Variants in FOXP1 observed in about 807,000 individuals in gnomAD.
FOXP1 encodes forkhead box protein P1.
Under a neutral mutation model 98.2 loss-of-function variants are expected in FOXP1, and 15 were observed. The ratio of observed to expected loss-of-function variants is 0.15; its 90% confidence interval spans 0.10 to 0.24. The LOEUF (loss-of-function observed/expected upper bound fraction) is 0.24, where lower values mean the gene tolerates loss of function less well. Ranked by LOEUF, FOXP1 falls within the 10% of genes least tolerant of loss-of-function variation. FOXP1 has a pLI of 1.00. For missense variants in FOXP1, 633 were observed against 848.5 expected (o/e 0.75, Z 3.15); for synonymous variants, 371 against 314.5 (o/e 1.18, Z -1.90).
intron 7 of FOXP1, among the ~76,000 whole-genome samples, chr3:71,064,357 A>T (rs765395587): frequency 2.0e-5 from 3 of 152,172 alleles, no homozygotes; most frequent in Non-Finnish European, 2.9e-5. Context: ...AGTGACAGAA[A>T]TCACACCCCA....
At chr3:71,278,902 G>C (rs2071205692) in intron 5 of FOXP1, among the ~76,000 whole-genome samples, 1 of 151,608 alleles carries the variant, frequency 6.6e-6, no homozygotes, top group Non-Finnish European at 1.5e-5. Flanking sequence ...GATAGAAACA[G>C]GAATTGGGGC....
intron 7 of FOXP1, among the ~76,000 whole-genome samples, chr3:71,060,608 G>C (rs1170648918): frequency 1.3e-5 from 2 of 152,076 alleles, no homozygotes; most frequent in African/African-American, 4.8e-5. Flanking sequence ...TAACAGGTTA[G>C]ATGAAAAAAA....
intron 3 of FOXP1, among the ~76,000 whole-genome samples, chr3:71,405,522 C>A (rs1024132597): frequency 2.6e-5 from 4 of 152,170 alleles, no homozygotes; most frequent in African/African-American, 9.7e-5. Context: ...TCCACCCAGA[C>A]AGACAGCCAG....
At chr3:71,257,860 T>C (rs2068766151) in intron 5 of FOXP1, among the ~76,000 whole-genome samples, 1 of 152,126 alleles carries the variant, frequency 6.6e-6, no homozygotes, top group Non-Finnish European at 1.5e-5. Flanking sequence ...ACAAGACACA[T>C]CATCTTTCTG....
chr3:71,310,946 G>C (rs1470788851), intron 4 of FOXP1, among the ~76,000 whole-genome samples: 1 of 152,148 alleles, frequency 6.6e-6, no homozygotes, highest in Non-Finnish European at 1.5e-5. Flanking sequence ...GATTCTGTTT[G>C]GTTGTTCTGG....
At position 70,965,972 on chromosome 3, in the gene FOXP1, G is replaced by T. The variant is rs2034676627; in HGVS notation, c.1807C>A (p.Arg603=). 6.2e-7 allele frequency: 1 copy of T among 1,613,944 alleles called. No homozygotes were observed. The highest frequency in any genetic ancestry group is 1.3e-5 in the African/African-American group (1 of 74,886). The change falls in exon 20 of 21, where the codon CGG becomes AGG. Residue 603 remains arginine (R), a synonymous_variant. Transcript: ENST00000649528. ...PTLGNLASAI[R]EELNGAMEHT... ...TCCATTGCCCCGTTCAGCTCTTCCC[G>T]TATTGCGCTGGCTAAGTTGCCCAGA... is the stretch of plus-strand genomic sequence containing the variant.
intron 5 of FOXP1, among the ~76,000 whole-genome samples, chr3:71,285,976 G>A (rs981373483): frequency 2.0e-5 from 3 of 152,202 alleles, no homozygotes; most frequent in Non-Finnish European, 2.9e-5. Flanking sequence ...TCTGAGAAAC[G>A]TGTTGTTAGG....
At chr3:71,504,916 T>C (rs778620265) in intron 2 of FOXP1, among the ~76,000 whole-genome samples, 4 of 152,222 alleles carry the variant, frequency 2.6e-5, no homozygotes, top group African/African-American at 4.8e-5. Flanking sequence ...ACTCTGTCCA[T>C]AGCATTTTCA....
intron 7 of FOXP1, among the ~76,000 whole-genome samples, chr3:71,106,720 T>A (rs1443386212): frequency 6.6e-6 from 1 of 151,642 alleles, no homozygotes; most frequent in Non-Finnish European, 1.5e-5. Context: ...TCAGCCTTCT[T>A]AGTAGCTGAG....
At chr3:71,180,486 A>T (rs2062226018) in intron 6 of FOXP1, among the ~76,000 whole-genome samples, 3 of 152,218 alleles carry the variant, frequency 2.0e-5, no homozygotes, top group Admixed American at 1.3e-4. Flanking sequence ...AAGAAAAAAA[A>T]ATAGACATGC....
intron 5 of FOXP1, among the ~76,000 whole-genome samples, chr3:71,279,919 C>T (rs951197585): frequency 1.1e-4 from 16 of 151,814 alleles, no homozygotes; most frequent in Non-Finnish European, 1.8e-4. Context: ...GTCAGGAGAT[C>T]GAGACTATCC....
At chr3:71,112,005 G>A (rs2057972880) in intron 7 of FOXP1, among the ~76,000 whole-genome samples, 2 of 150,890 alleles carry the variant, frequency 1.3e-5, no homozygotes, top group South Asian at 4.2e-4. Flanking sequence ...ATTGCAGGAT[G>A]TTTGGCAACA....
intron 6 of FOXP1, among the ~76,000 whole-genome samples, chr3:71,188,866 T>C (rs2062807122): frequency 6.6e-6 from 1 of 152,168 alleles, no homozygotes; most frequent in African/African-American, 2.4e-5. Flanking sequence ...AAAGGAGCTG[T>C]CTAACAATAG....
intron 19 of FOXP1, chr3:70,969,837 TATCTATAGA>T (rs1481632493): frequency 1.3e-5 from 2 of 151,988 alleles, no homozygotes; most frequent in African/African-American, 4.8e-5. Flanking sequence ...ATGTCAGATT[TATCTATAGA>T]ATATGCTTCT....
intron 7 of FOXP1, among the ~76,000 whole-genome samples, chr3:71,067,921 A>T (rs554473833): frequency 1.4e-5 from 2 of 139,036 alleles, no homozygotes; most frequent in South Asian, 5.9e-4. Flanking sequence ...GTCTTAAAAA[A>T]TAAAAAATAA....
chr3:71,576,757 C>A (rs1202381017), intron 2 of FOXP1, among the ~76,000 whole-genome samples: 1 of 152,114 alleles, frequency 6.6e-6, no homozygotes, highest in Non-Finnish European at 1.5e-5. Flanking sequence ...CTAAACTGAG[C>A]CCCCCTCCCC....
intron 3 of FOXP1, among the ~76,000 whole-genome samples, chr3:71,467,067 C>T (rs556426300): frequency 3.3e-4 from 50 of 152,204 alleles, no homozygotes; most frequent in African/African-American, 1.2e-3. Flanking sequence ...GGGCTTTGGG[C>T]ACCACAGATG....
chr3:71,344,098 G>C (rs1177247185), intron 4 of FOXP1, among the ~76,000 whole-genome samples: 1 of 152,204 alleles, frequency 6.6e-6, no homozygotes, highest in Non-Finnish European at 1.5e-5. Context: ...TCAACCAGTT[G>C]TGTGAGTACA....
intron 3 of FOXP1, among the ~76,000 whole-genome samples, chr3:71,433,379 A>G (rs997304007): frequency 6.6e-6 from 1 of 152,222 alleles, no homozygotes; most frequent in Non-Finnish European, 1.5e-5. Flanking sequence ...GTCTATCAGA[A>G]CAGAGCAAGG....
Sources: gnomAD v4.1 joint callset for allele counts (sites outside exome capture counted in the v4.1 genomes callset) on GRCh38, gnomAD v4.1.1 for gene constraint, MANE v1.5 for transcripts, NCBI Gene and HGNC (gene_info 2026-07-23, HGNC 2026-07-21) for gene names.